ESPL1: variants seen among roughly 807,000 people sequenced by gnomAD.
ESPL1 encodes extra spindle pole bodies like 1, separase.
In ESPL1, 50 loss-of-function variants were observed where a neutral mutation model predicts 217.2. The ratio of observed to expected loss-of-function variants is 0.23; its 90% CI spans 0.18 to 0.29. ESPL1 has a LOEUF of 0.29. Among genes scored for constraint, ESPL1 ranks in the 10% least tolerant of loss-of-function variants. ESPL1 has a pLI of 1.00. For missense variants in ESPL1, 1,834 were observed against 2,603.0 expected, an observed-to-expected ratio of 0.70 and a Z score of 6.43; for synonymous variants, 994 against 1,081.3, an observed-to-expected ratio of 0.92 and a Z score of 1.58.
In ESPL1 at chr12:53,277,069, T is replaced by C. The variant is rs1324991549; in HGVS notation, c.1941-14T>C. ...TCATAGTAGGCCCAGCTTAAGCACA[T>C]CTTCTCCCTGCAGCTCTGCTCTGGA... On this transcript the variant is annotated splice_polypyrimidine_tract_variant and intron_variant, in intron 8 of 30. Transcript: ENST00000257934. The C allele has an allele frequency of 6.2e-7, 1 of 1,609,772 alleles. No individual in the cohort carries two copies. Among genetic ancestry groups the C allele is most frequent in the African/African-American group, 1.3e-5 (1 of 74,850 alleles).
intron 11 of ESPL1, among the ~76,000 whole-genome samples, chr12:53,278,706 C>T (rs1203535186): frequency 1.3e-5 from 2 of 151,262 alleles, no homozygotes; most frequent in Non-Finnish European, 1.5e-5. Context: ...ATTCTCCTGC[C>T]TCAGCCTCCT....
Position 53,282,242 on chromosome 12 carries a change from T to C in ESPL1, c.2620-22T>C. On this transcript the variant is annotated intron_variant, in intron 13 of 30. Coordinates refer to ENST00000257934, the MANE Select transcript of ESPL1 (RefSeq NM_012291.5). This position sits in a 1 kb window ranked among gnomAD's most constrained non-coding sequence, Gnocchi z 4.0. ...AGTGCCTGACTGCCTTACTGCCTCC[T>C]CTGGCTCCTTCTCTCCTTCAGGTGA... The C allele has an allele frequency of 6.2e-7, 1 of 1,612,042 alleles. No homozygotes were observed.
At position 53,275,108 on chromosome 12, in the gene ESPL1, T is replaced by C. The variant is rs1943743424; in HGVS notation, c.1700+98T>C. 6 of 927,188 alleles carry C rather than the reference T, an allele frequency of 6.5e-6. No homozygotes were observed. The South Asian group carries it at 7.3e-5, about 11-fold the overall frequency. The allele number at this position is 927,188 out of a possible 1,614,324, so 57.4% of individuals were successfully genotyped here. ...ACTTGAGGTCAGGAGTTTGAGACCA[T>C]GGCCAACATGGTGAAACCCCGTCTC... is the stretch of plus-strand genomic sequence containing the variant. On this transcript the variant is annotated intron_variant, in intron 7 of 30. Coordinates refer to ENST00000257934, the MANE Select transcript of ESPL1 (RefSeq NM_012291.5).
At position 53,277,563 on chromosome 12, in the gene ESPL1, C is replaced by G; in HGVS notation, c.2179C>G (p.Arg727Gly). ...CTATGAAGATAAACTCCAGGAAGAT[C>G]GTTTCCTATACAGTAACATTGCCTT... ...LNYEDKLQED[R>G]FLYSNIAFNL... Residue 727 changes from arginine to glycine, a missense_variant, in exon 10 of 31, where the codon CGT (arginine) becomes GGT (glycine). Physicochemically the swap from Arg to Gly is moderately radical, Grantham distance 125. Coordinates refer to ENST00000257934, the MANE Select transcript of ESPL1 (RefSeq NM_012291.5). 6.2e-7 allele frequency: 1 copy of G among 1,614,120 alleles called. No homozygotes were observed. The highest frequency in any genetic ancestry group is 2.2e-5 in the East Asian group (1 of 44,880).
chr12:53,271,943 C>T (rs779638563), intron 5 of ESPL1, among the ~76,000 whole-genome samples: 26 of 152,108 alleles, frequency 1.7e-4, no homozygotes, highest in Non-Finnish European at 3.1e-4. Flanking sequence ...AAAAATTAGC[C>T]GGGCGTGGTG....
Position 53,293,131 on chromosome 12 carries a change from G to A in ESPL1, c.6162-142G>A, listed in dbSNP as rs1944090929. 2 of 985,470 alleles carry A rather than the reference G, an allele frequency of 2.0e-6. No homozygotes were observed. The highest frequency in any genetic ancestry group is 3.1e-6 in the Non-Finnish European group (2 of 654,914). 61.0% of individuals were successfully genotyped at this position (985,470 alleles called of 1,614,324 possible). A position where few individuals can be genotyped will look rare whatever the true frequency, so the allele number is the denominator to read the frequency against. ...GACCATTAACCCTTAGCTCCCTTCT[G>A]TTCTTCTCTTGTAACCAAGGGCCAA... On this transcript the variant is annotated intron_variant, in intron 30 of 30. Coordinates refer to ENST00000257934, the MANE Select transcript of ESPL1 (RefSeq NM_012291.5). This position sits in a 1 kb window ranked among gnomAD's most constrained non-coding sequence, Gnocchi z 4.2.
chr12:53,288,311 A>G lies in ESPL1; in HGVS notation c.4516A>G (p.Arg1506Gly), dbSNP rs1293968679. The G allele has an allele frequency of 1.2e-6, 2 of 1,602,558 alleles. No homozygotes were observed. Among genetic ancestry groups the G allele is most frequent in the South Asian group, 1.1e-5 (1 of 89,436 alleles). Residue 1506 changes from arginine (R) to glycine (G), a missense_variant, in exon 19 of 31, where the codon AGG (arginine) becomes GGG (glycine). By Grantham distance (125) the Arg-to-Gly change is moderately radical. Coordinates refer to ENST00000257934, the MANE Select transcript of ESPL1 (RefSeq NM_012291.5). Reference protein sequence around the residue: ...NWRKMSFEILRGSDGEDSASG... With the variant: ...NWRKMSFEILGGSDGEDSASG... ...GAGAAAAATGAGCTTTGAGATCCTCAGGGGCTCTGACGGGGAAGACTCAGC... is the reference window on the plus strand; with the variant it reads ...GAGAAAAATGAGCTTTGAGATCCTCGGGGGCTCTGACGGGGAAGACTCAGC...
intron 6 of ESPL1, chr12:53,273,982 G>A (rs1943722245): frequency 6.7e-6 from 1 of 149,582 alleles, no homozygotes; most frequent in Non-Finnish European, 1.5e-5. Flanking sequence ...AGCCTCCTGA[G>A]TAGCTGGGAT....
At chr12:53,287,051 T>A in intron 18 of ESPL1, 139 bp downstream of exon 18, 1 of 799,444 alleles carries the variant, frequency 1.3e-6, no homozygotes, top group Non-Finnish European at 1.9e-6. Flanking sequence ...CTATCTGCAG[T>A]ACCCCAATAT....
chr12:53,280,522 C>T (rs1228969298), intron 12 of ESPL1, among the ~76,000 whole-genome samples: 1 of 152,106 alleles, frequency 6.6e-6, no homozygotes, highest in Non-Finnish European at 1.5e-5. Context: ...GTACATGCCA[C>T]CACACCTGGC....
chr12:53,268,495 T>A (rs906359428), intron 1 of ESPL1, 118 bp downstream of exon 1: 35 of 448,000 alleles, frequency 7.8e-5, no homozygotes, highest in Non-Finnish European at 1.3e-4. Context: ...GCCTTGGGAC[T>A]GCCCCGGGCC....
Position 53,290,085 on chromosome 12 carries a change from G to A in ESPL1, c.5114G>A (p.Gly1705Glu). 1 of 1,612,334 alleles carries A rather than the reference G, an allele frequency of 6.2e-7. No homozygotes were observed. Among genetic ancestry groups the A allele is most frequent in the South Asian group, 1.1e-5 (1 of 90,980 alleles). ...FQERLALIPS[G>E]VTVCVLALAT... ...AGTCTGGCTGTATCCTGTGTGTCAGGGGTGACTGTGTGTGTGTTGGCCCTG... is the reference window on the plus strand; with the variant it reads ...AGTCTGGCTGTATCCTGTGTGTCAGAGGTGACTGTGTGTGTGTTGGCCCTG... The change falls in exon 23 of 31, where the codon GGG becomes GAG. Residue 1705 changes from glycine to glutamate, a missense_variant and splice_region_variant. By Grantham distance (98) the Gly-to-Glu change is moderately conservative (BLOSUM62 -2). Coordinates refer to ENST00000257934, the MANE Select transcript of ESPL1 (RefSeq NM_012291.5).
chr12:53,286,694 C>A lies in ESPL1; in HGVS notation c.3958C>A (p.Arg1320Ser). ...TQGQKRSGRG[R>S]QKLASAPLRL... is the part of the protein sequence containing the mutation. ...GGGCCAAAAACGTTCTGGACGAGGG[C>A]GCCAAAAGTTAGCCTCTGCTCCCCT... Residue 1320 changes from arginine to serine, a missense_variant, in exon 18 of 31, where the codon CGC becomes AGC. Coordinates refer to ENST00000257934, the MANE Select transcript of ESPL1 (RefSeq NM_012291.5). The surrounding 1 kb of genome is among the most constrained non-coding windows in gnomAD (Gnocchi z 5.3). 2 of 1,614,106 alleles carry A rather than the reference C, an allele frequency of 1.2e-6. No homozygotes were observed. The highest frequency in any genetic ancestry group is 1.7e-6 in the Non-Finnish European group (2 of 1,180,016).
intron 5 of ESPL1, among the ~76,000 whole-genome samples, chr12:53,271,171 T>TC (rs1565751286): frequency 1.6e-5 from 1 of 61,542 alleles, no homozygotes; most frequent in East Asian, 3.2e-3. Context: ...TATATTTAAG[T>TC]GTTTTTTTTT....
chr12:53,270,016 T>C lies in ESPL1; in HGVS notation c.1074T>C (p.Asp358=). 1 of 1,614,216 alleles carries C rather than the reference T, an allele frequency of 6.2e-7. No homozygotes were observed. The highest frequency in any genetic ancestry group is 8.5e-7 in the Non-Finnish European group (1 of 1,180,038). The part of the protein sequence containing the change: ...ERGTKRRYRL[D]AILSLFAFLG... Reference sequence around the variant, plus strand: ...GCACCAAGAGGCGCTATAGACTTGATGCCATTCTGAGCCTCTTTGCTTTTC... The same window carrying C: ...GCACCAAGAGGCGCTATAGACTTGACGCCATTCTGAGCCTCTTTGCTTTTC... The change falls in exon 3 of 31, where the codon GAT becomes GAC. Residue 358 remains aspartate (D), a synonymous_variant. Transcript: ENST00000257934.
Position 53,286,842 on chromosome 12 carries a change from G to C in ESPL1, c.4106G>C (p.Cys1369Ser). The stretch of plus-strand genomic sequence containing the variant: ...CCCTTCACGGTGTTTGAGGAAGTCT[G>C]CCCTACAGAGAGCAAGCCTGAAGTA... ...HVPFTVFEEV[C>S]PTESKPEVPQ... Residue 1369 changes from cysteine (C) to serine (S), a missense_variant, in exon 18 of 31, where the codon TGC becomes TCC. This residue lies in a region of ESPL1 where 681 missense variants were observed against 808.0 expected (regional missense o/e 0.84). Transcript: ENST00000257934. The surrounding 1 kb of genome is among the most constrained non-coding windows in gnomAD (Gnocchi z 5.3). 6.2e-7 allele frequency: 1 copy of C among 1,614,038 alleles called. No homozygotes were observed. The highest frequency in any genetic ancestry group is 8.5e-7 in the Non-Finnish European group (1 of 1,180,026).
chr12:53,270,873 G>A (rs753157084), intron 5 of ESPL1, 75 bp downstream of exon 5: 38 of 1,547,626 alleles, frequency 2.5e-5, no homozygotes, highest in Non-Finnish European at 3.2e-5. Context: ...AGTACTTGCT[G>A]CGTGGTTCTG....
chr12:53,292,111 TG>T lies in ESPL1; in HGVS notation c.5796+27del. 1 of 1,575,338 alleles carries T rather than the reference TG, an allele frequency of 6.3e-7. No individual in the cohort carries two copies. Among genetic ancestry groups the T allele is most frequent in the Non-Finnish European group, 8.7e-7 (1 of 1,144,734 alleles). On this transcript the variant is annotated intron_variant, in intron 27 of 30. Coordinates refer to ENST00000257934, the MANE Select transcript of ESPL1 (RefSeq NM_012291.5). The surrounding 1 kb of genome is among the most constrained non-coding windows in gnomAD (Gnocchi z 4.5). Reference sequence around the variant, plus strand: ...GAGGTGGGGTTCAGGGCGTAGTGTCTGGGGATGACTGGCGACTGGGGAAGAC... The same window carrying T: ...GAGGTGGGGTTCAGGGCGTAGTGTCTGGGATGACTGGCGACTGGGGAAGAC...
At chr12:53,275,260 A>C (rs1483063797) in intron 7 of ESPL1, among the ~76,000 whole-genome samples, 2 of 152,218 alleles carry the variant, frequency 1.3e-5, no homozygotes, top group Non-Finnish European at 2.9e-5. Flanking sequence ...CAGGAGATCG[A>C]GACCATCCTG....
Sources: gnomAD v4.1 joint callset for allele counts (sites outside exome capture counted in the v4.1 genomes callset) on GRCh38, gnomAD v4.1.1 for gene constraint, gnomAD v4.1.1 regional missense constraint, Gnocchi (gnomAD v3.1) non-coding constraint, MANE v1.5 for transcripts, NCBI Gene and HGNC (gene_info 2026-07-23, HGNC 2026-07-21) for gene names.